The following LINGO2 variants were observed in gnomAD, a reference collection of about 807,000 sequenced individuals.
The protein encoded by LINGO2 is leucine rich repeat and Ig domain containing 2, also known as leucine-rich repeat and immunoglobulin-like domain-containing nogo receptor-interacting protein 2.
A neutral mutation model predicts 30.6 loss-of-function variants in LINGO2; 14 were observed. The ratio of observed to expected loss-of-function variants is 0.46; its 90% CI spans 0.30 to 0.72. The LOEUF is 0.72. Ranked by LOEUF, LINGO2 falls within the 30% of genes least tolerant of loss-of-function variation. The pLI is 0.07. For missense variants in LINGO2, 729 were observed against 751.7 expected, an observed-to-expected ratio of 0.97 and a Z score of 0.35; for synonymous variants, 317 against 288.5, an observed-to-expected ratio of 1.10 and a Z score of -1.00.
intron 1 of LINGO2, among the ~76,000 whole-genome samples, chr9:28,545,187 A>T (rs999087763): frequency 3.9e-5 from 6 of 152,166 alleles, no homozygotes; most frequent in Non-Finnish European, 7.4e-5. Context: ...AAAGGGACCG[A>T]TAAGGATTTT....
chr9:28,705,214 G>C, the LINGO2 span, among the ~76,000 whole-genome samples: 1 of 152,004 alleles, frequency 6.6e-6, no homozygotes, highest in Admixed American at 6.6e-5. Context: ...ACCATGCCCG[G>C]CCACCTTGTA....
intron 1 of LINGO2, among the ~76,000 whole-genome samples, chr9:28,526,035 G>A (rs11795288): frequency 0.48 from 60,879 of 127,632 alleles, 14,021 homozygotes; most frequent in South Asian, 0.58. Context: ...CAGCCTGGGT[G>A]ACAGAGCGAG....
rs146331775 is a variant in LINGO2, at chr9:27,999,828, TACATGTATTAATGGC to T, written c.-36+12512_-36+12526del. Among the ~76,000 whole-genome samples the T allele has an allele frequency of 2.1e-3, 324 of 152,254 alleles. 2 individuals carry two copies. The highest frequency in any genetic ancestry group is 7.5e-3 in the African/African-American group (310 of 41,560). On this transcript the variant is annotated intron_variant, in intron 5 of 5. Transcript: ENST00000379992. ...TTTAACATAGAGGTAATAAAAATCG[TACATGTATTAATGGC>T]ACATGTATGCCATTAAAAGTAATGG...
intron 2 of LINGO2, among the ~76,000 whole-genome samples, chr9:28,461,738 A>T (rs1023803056): frequency 6.6e-6 from 1 of 152,134 alleles, no homozygotes; most frequent in African/African-American, 2.4e-5. Flanking sequence ...AATATGGACA[A>T]AAGTTACAAA....
the LINGO2 span, among the ~76,000 whole-genome samples, chr9:29,166,254 G>T: frequency 6.6e-6 from 1 of 151,976 alleles, no homozygotes; most frequent in African/African-American, 2.4e-5. Context: ...ATTTTTTAAA[G>T]GTGGATGTGA....
intron 2 of LINGO2, among the ~76,000 whole-genome samples, chr9:28,400,246 A>C (rs189828936): frequency 1.3e-5 from 2 of 152,208 alleles, no homozygotes; most frequent in Admixed American, 6.5e-5. Flanking sequence ...TCCAAGTGCT[A>C]GCTCTGTCTC....
Position 28,148,233 on chromosome 9 carries a change from G to C in LINGO2, c.-86-135828C>G. 1.4e-6 allele frequency: 1 copy of C among 723,220 alleles called. No individual in the cohort carries two copies. The highest frequency in any genetic ancestry group is 2.2e-6 in the Non-Finnish European group (1 of 451,644). 44.8% of individuals were successfully genotyped at this position (723,220 alleles called of 1,614,324 possible). ...CCTATGAGGCTGTGTCTTATCCCTCGGAACATGGGCACCCCACAGAGGGTC... is the reference window on the plus strand; with the variant it reads ...CCTATGAGGCTGTGTCTTATCCCTCCGAACATGGGCACCCCACAGAGGGTC... On this transcript the variant is annotated intron_variant, in intron 4 of 5. Transcript: ENST00000379992. The surrounding 1 kb of genome is among the most constrained non-coding windows in gnomAD (Gnocchi z 5.1).
intron 2 of LINGO2, among the ~76,000 whole-genome samples, chr9:28,473,474 T>C (rs1825609235): frequency 6.6e-6 from 1 of 151,932 alleles, no homozygotes; most frequent in Non-Finnish European, 1.5e-5. Context: ...TACTACTGTC[T>C]CTATTCCCAC....
chr9:28,123,377 G>A (rs1409968329), intron 4 of LINGO2, among the ~76,000 whole-genome samples: 1 of 152,180 alleles, frequency 6.6e-6, no homozygotes, highest in Non-Finnish European at 1.5e-5. Flanking sequence ...TTCCAGCACT[G>A]AGTCTATTCA....
At chr9:29,059,124 T>A in the LINGO2 span, among the ~76,000 whole-genome samples, 2 of 151,912 alleles carry the variant, frequency 1.3e-5, 1 homozygote, top group South Asian at 4.1e-4. Context: ...AAAATATTTA[T>A]GAGAAAAAAT....
At chr9:28,598,418 C>CAAAAAAAAAAAAA (rs766825127) in intron 1 of LINGO2, among the ~76,000 whole-genome samples, 2 of 109,040 alleles carry the variant, frequency 1.8e-5, no homozygotes, top group South Asian at 3.1e-4. Context: ...TTCTCCATAT[C>CAAAAAAAAAAAAA]AAAAAAAAAA....
chr9:28,033,708 A>C (rs1823794360), intron 4 of LINGO2, among the ~76,000 whole-genome samples: 1 of 152,188 alleles, frequency 6.6e-6, no homozygotes, highest in Admixed American at 6.5e-5. Context: ...ATTTAATACC[A>C]TCCTTACAAA....
At chr9:27,956,990 G>A (rs1819603509) in intron 5 of LINGO2, among the ~76,000 whole-genome samples, 1 of 152,126 alleles carries the variant, frequency 6.6e-6, no homozygotes. Flanking sequence ...AGCTACTCAG[G>A]AAGCTGAGGT....
At chr9:28,038,380 A>G (rs954406042) in intron 4 of LINGO2, among the ~76,000 whole-genome samples, 1 of 152,218 alleles carries the variant, frequency 6.6e-6, no homozygotes. Flanking sequence ...GCACCTGCTC[A>G]TATTCATAAA....
At chr9:28,775,654 GAGA>G in the LINGO2 span, among the ~76,000 whole-genome samples, 2 of 152,146 alleles carry the variant, frequency 1.3e-5, no homozygotes, top group African/African-American at 2.4e-5. Flanking sequence ...AGTCCTGCCT[GAGA>G]AGAAGAATTT....
intron 2 of LINGO2, among the ~76,000 whole-genome samples, chr9:28,452,912 T>C (rs528077000): frequency 7.9e-5 from 12 of 152,042 alleles, no homozygotes; most frequent in African/African-American, 2.9e-4. Context: ...AGTTCTTGTA[T>C]ATCTTGCTTA....
chr9:28,573,572 C>A (rs1334622315), intron 1 of LINGO2, among the ~76,000 whole-genome samples: 1 of 152,106 alleles, frequency 6.6e-6, no homozygotes, highest in Admixed American at 6.6e-5. Flanking sequence ...TTTTCCCGAA[C>A]ACTATATAGT....
At chr9:28,686,816 T>A in the LINGO2 span, among the ~76,000 whole-genome samples, 7 of 152,020 alleles carry the variant, frequency 4.6e-5, no homozygotes, top group African/African-American at 1.7e-4. Context: ...CCAGAATAGA[T>A]TGTAATAATT....
intron 3 of LINGO2, among the ~76,000 whole-genome samples, chr9:28,300,229 C>T (rs1333040634): frequency 6.6e-6 from 1 of 151,776 alleles, no homozygotes; most frequent in Non-Finnish European, 1.5e-5. Flanking sequence ...CAGTGTTTTG[C>T]TGATGAACAT....
Sources: allele counts gnomAD v4.1 joint callset (sites outside exome capture counted in the v4.1 genomes callset), GRCh38; gene constraint gnomAD v4.1.1; non-coding constraint Gnocchi (gnomAD v3.1); transcripts MANE v1.5; gene names NCBI Gene and HGNC (gene_info 2026-07-23, HGNC 2026-07-21).